The following ARK2C variants were observed in gnomAD, a reference collection of about 807,000 sequenced individuals.
ARK2C encodes the protein arkadia (RNF111) C-terminal like ring finger ubiquitin ligase 2C.
chr18:46,351,131 T>A, the ARK2C span, among the ~76,000 whole-genome samples: 3 of 152,166 alleles, frequency 2.0e-5, no homozygotes, highest in South Asian at 4.1e-4. Flanking sequence ...GGATGCACAA[T>A]CTTCTTTGCT....
chr18:46,357,067 T>A, the ARK2C span, among the ~76,000 whole-genome samples: 1 of 152,242 alleles, frequency 6.6e-6, no homozygotes, highest in South Asian at 2.1e-4. Flanking sequence ...TCTACCTTTC[T>A]GAGGTAGGAA....
the ARK2C span, among the ~76,000 whole-genome samples, chr18:46,421,394 T>C: frequency 2.0e-5 from 3 of 152,170 alleles, no homozygotes; most frequent in African/African-American, 7.2e-5. Flanking sequence ...ATTCATTCAT[T>C]CAGTGAGTTC....
At chr18:46,343,452 G>GAAACAAGT in the ARK2C span, among the ~76,000 whole-genome samples, 2 of 152,206 alleles carry the variant, frequency 1.3e-5, no homozygotes, top group African/African-American at 4.8e-5. Context: ...TAATGCATAG[G>GAAACAAGT]AAACAAGTCG....
chr18:46,398,976 C>A, the ARK2C span, among the ~76,000 whole-genome samples: 1 of 152,132 alleles, frequency 6.6e-6, no homozygotes, highest in Non-Finnish European at 1.5e-5. Context: ...AAAGGGCAGG[C>A]TCCTGGGTGT....
At chr18:46,351,110 G>A in the ARK2C span, among the ~76,000 whole-genome samples, 2 of 152,344 alleles carry the variant, frequency 1.3e-5, no homozygotes, top group East Asian at 1.9e-4. Context: ...CAGAGCCCGG[G>A]AGGGAGGCAG....
chr18:46,400,321 G>C, the ARK2C span, among the ~76,000 whole-genome samples: 1 of 152,206 alleles, frequency 6.6e-6, no homozygotes, highest in Non-Finnish European at 1.5e-5. Context: ...ACAGGAACCT[G>C]ATTGTTCATT....
the ARK2C span, among the ~76,000 whole-genome samples, chr18:46,427,982 T>C: frequency 6.6e-6 from 1 of 151,960 alleles, no homozygotes; most frequent in Non-Finnish European, 1.5e-5. Context: ...AACTCTCCAG[T>C]GGGAACATGA....
the ARK2C span, chr18:46,458,238 G>C: frequency 6.6e-6 from 1 of 152,574 alleles, no homozygotes; most frequent in South Asian, 2.1e-4. Context: ...CAATTTTCCT[G>C]AACCCCAAAG....
the ARK2C span, among the ~76,000 whole-genome samples, chr18:46,410,902 C>G: frequency 6.6e-6 from 1 of 152,218 alleles, no homozygotes; most frequent in Non-Finnish European, 1.5e-5. Context: ...CTGCCTCACC[C>G]CCAATTATTT....
the ARK2C span, among the ~76,000 whole-genome samples, chr18:46,376,173 C>T: frequency 2.6e-5 from 4 of 152,328 alleles, no homozygotes; most frequent in East Asian, 7.7e-4. Context: ...TGTTAACAGC[C>T]TTGGCAGCAA....
the ARK2C span, among the ~76,000 whole-genome samples, chr18:46,413,050 C>T: frequency 2.0e-5 from 3 of 152,014 alleles, no homozygotes; most frequent in Non-Finnish European, 2.9e-5. Context: ...CCGCCTTAGC[C>T]GGGGGATGGG....
At chr18:46,373,269 G>A in the ARK2C span, among the ~76,000 whole-genome samples, 188 of 152,372 alleles carry the variant, frequency 1.2e-3, 2 homozygotes, top group African/African-American at 4.4e-3. Flanking sequence ...CCAGCCAAAG[G>A]CCAGAGAGTG....
chr18:46,358,903 G>C, the ARK2C span, among the ~76,000 whole-genome samples: 1 of 152,160 alleles, frequency 6.6e-6, no homozygotes, highest in Non-Finnish European at 1.5e-5. Flanking sequence ...AGTGAGAGGA[G>C]AGACTCTCTC....
the ARK2C span, chr18:46,386,494 A>G: frequency 2.0e-5 from 3 of 152,154 alleles, no homozygotes. Flanking sequence ...GACTGGGGCC[A>G]GAACTAGAAT....
At chr18:46,410,054 C>A in the ARK2C span, among the ~76,000 whole-genome samples, 1 of 152,108 alleles carries the variant, frequency 6.6e-6, no homozygotes, top group Non-Finnish European at 1.5e-5. Flanking sequence ...AATCTTACTG[C>A]CAACTGTGGG....
the ARK2C span, among the ~76,000 whole-genome samples, chr18:46,346,592 C>T: frequency 6.6e-6 from 1 of 152,128 alleles, no homozygotes. Context: ...GGACTTTGGC[C>T]CTCTCTGAGC....
chr18:46,347,247 G>A, the ARK2C span, among the ~76,000 whole-genome samples: 1 of 152,230 alleles, frequency 6.6e-6, no homozygotes, highest in Non-Finnish European at 1.5e-5. Flanking sequence ...TCAGAGTCCT[G>A]TGGCTGTCAC....
the ARK2C span, among the ~76,000 whole-genome samples, chr18:46,341,898 G>A: frequency 6.6e-6 from 1 of 152,166 alleles, no homozygotes; most frequent in East Asian, 1.9e-4. Context: ...AGTACCAGGA[G>A]CTTTGCCTCC....
the ARK2C span, among the ~76,000 whole-genome samples, chr18:46,455,166 T>TATAA: frequency 6.6e-6 from 1 of 152,200 alleles, no homozygotes; most frequent in Admixed American, 6.5e-5. Flanking sequence ...AATCCAACAA[T>TATAA]ATAAATAGTT....
Sources: gnomAD v4.1 joint callset for allele counts (sites outside exome capture counted in the v4.1 genomes callset) on GRCh38, gnomAD v4.1.1 for gene constraint, MANE v1.5 for transcripts, NCBI Gene and HGNC (gene_info 2026-07-23, HGNC 2026-07-21) for gene names.